The following ROBO1 variants were observed in gnomAD, a reference collection of about 807,000 sequenced individuals.
ROBO1 encodes roundabout guidance receptor 1, also known as roundabout homolog 1.
Under a neutral mutation model 195.9 loss-of-function variants are expected in ROBO1, and 149 were observed. That is an observed-to-expected ratio of 0.76 (90% CI 0.67 to 0.87). The LOEUF (loss-of-function observed/expected upper bound fraction) is 0.87, where lower values mean the gene tolerates loss of function less well. ROBO1 is among the 40% of genes least tolerant of loss of function. ROBO1 has a pLI of 0.00. For missense variants in ROBO1, 1,933 were observed against 2,068.3 expected, an observed-to-expected ratio of 0.93 and a Z score of 1.27; for synonymous variants, 816 against 733.2, an observed-to-expected ratio of 1.11 and a Z score of -1.82.
intron 1 of ROBO1, among the ~76,000 whole-genome samples, chr3:79,687,046 C>T (rs1947138351): frequency 6.6e-6 from 1 of 152,046 alleles, no homozygotes; most frequent in South Asian, 2.1e-4. Flanking sequence ...AGAACAGAGC[C>T]CTCAGAAATA....
chr3:79,290,320 C>T (rs1337451193), intron 2 of ROBO1, among the ~76,000 whole-genome samples: 3 of 152,094 alleles, frequency 2.0e-5, no homozygotes, highest in Non-Finnish European at 2.9e-5. Flanking sequence ...GAGTGAGCTA[C>T]TGTGCCTGGC....
chr3:78,623,763 A>C (rs1704592855), intron 26 of ROBO1, among the ~76,000 whole-genome samples: 1 of 152,176 alleles, frequency 6.6e-6, no homozygotes, highest in African/African-American at 2.4e-5. Flanking sequence ...AGATATGTGT[A>C]TCACTCAGAA....
intron 2 of ROBO1, among the ~76,000 whole-genome samples, chr3:79,207,634 A>G (rs1053791541): frequency 1.3e-5 from 2 of 152,002 alleles, no homozygotes; most frequent in African/African-American, 2.4e-5. Context: ...CTATCCCTCT[A>G]TTTTTTTGTT....
intron 4 of ROBO1, among the ~76,000 whole-genome samples, chr3:78,770,476 TG>T (rs753874954): frequency 6.6e-6 from 1 of 152,212 alleles, no homozygotes; most frequent in African/African-American, 2.4e-5. Context: ...TAAGACTATT[TG>T]CTTTTTGCTT....
At chr3:78,611,569 G>A (rs1703814670) in intron 28 of ROBO1, among the ~76,000 whole-genome samples, 1 of 152,144 alleles carries the variant, frequency 6.6e-6, no homozygotes, top group Non-Finnish European at 1.5e-5. Flanking sequence ...CCTTTGCATC[G>A]AGTTCTCCCT....
chr3:79,715,260 G>A (rs1431167251), intron 1 of ROBO1, among the ~76,000 whole-genome samples: 1 of 152,112 alleles, frequency 6.6e-6, no homozygotes, highest in Non-Finnish European at 1.5e-5. Flanking sequence ...GCATTCTACT[G>A]TGTGTAAAAT....
chr3:79,391,053 G>T (rs2036930798), intron 2 of ROBO1, among the ~76,000 whole-genome samples: 1 of 151,464 alleles, frequency 6.6e-6, no homozygotes, highest in Non-Finnish European at 1.5e-5. Flanking sequence ...CCAGCACTTT[G>T]GGAAGCCGAG....
At chr3:79,665,226 T>C (rs1946441989) in intron 1 of ROBO1, among the ~76,000 whole-genome samples, 1 of 151,964 alleles carries the variant, frequency 6.6e-6, no homozygotes, top group Admixed American at 6.6e-5. Context: ...TGTGTATTTA[T>C]AAAATCAAGA....
intron 2 of ROBO1, among the ~76,000 whole-genome samples, chr3:79,185,304 T>A (rs1389303054): frequency 6.6e-6 from 1 of 152,138 alleles, no homozygotes; most frequent in Non-Finnish European, 1.5e-5. Context: ...ACATTTCCTT[T>A]TATAAGGAGA....
At chr3:79,504,729 A>G (rs1317692211) in intron 2 of ROBO1, among the ~76,000 whole-genome samples, 4 of 152,124 alleles carry the variant, frequency 2.6e-5, no homozygotes, top group African/African-American at 7.2e-5. Flanking sequence ...TATCTCCCCA[A>G]TTTGTTTGAT....
intron 2 of ROBO1, among the ~76,000 whole-genome samples, chr3:79,470,056 G>A (rs1938183522): frequency 6.6e-6 from 1 of 152,054 alleles, no homozygotes; most frequent in South Asian, 2.1e-4. Context: ...TACACAACGT[G>A]CAGGTTTGTT....
chr3:79,115,608 A>G (rs541761143), intron 3 of ROBO1, among the ~76,000 whole-genome samples: 68 of 152,282 alleles, frequency 4.5e-4, no homozygotes, highest in Non-Finnish European at 7.6e-4. Context: ...AATACTGCCT[A>G]TAGCCCAGTC....
intron 2 of ROBO1, among the ~76,000 whole-genome samples, chr3:79,570,743 C>T (rs533212128): frequency 7.7e-4 from 117 of 152,158 alleles, no homozygotes; most frequent in African/African-American, 2.5e-3. Context: ...ATACACTTTT[C>T]AGTATTAACT....
intron 4 of ROBO1, among the ~76,000 whole-genome samples, chr3:78,893,377 G>C (rs1244815171): frequency 6.6e-6 from 1 of 152,106 alleles, no homozygotes; most frequent in Non-Finnish European, 1.5e-5. Context: ...TCTGGAAGAT[G>C]CAACAATAAG....
chr3:78,757,777 C>A (rs1334645439), intron 4 of ROBO1, among the ~76,000 whole-genome samples: 1 of 152,164 alleles, frequency 6.6e-6, no homozygotes, highest in South Asian at 2.1e-4. Context: ...ATAGAAAAAA[C>A]CAAGTCTAAA....
chr3:79,144,320 C>T (rs1408424636), intron 2 of ROBO1, among the ~76,000 whole-genome samples: 1 of 151,916 alleles, frequency 6.6e-6, no homozygotes, highest in Admixed American at 6.6e-5. Context: ...CACATATATT[C>T]ACATGAAAGA....
At chr3:79,092,716 T>C (rs2108492391) in intron 3 of ROBO1, among the ~76,000 whole-genome samples, 1 of 152,198 alleles carries the variant, frequency 6.6e-6, no homozygotes, top group African/African-American at 2.4e-5. Flanking sequence ...TGAAAAGATA[T>C]GCAGGAAGTC....
intron 18 of ROBO1, among the ~76,000 whole-genome samples, chr3:78,654,874 A>ATATAT (rs1347879445): frequency 1.3e-5 from 2 of 152,230 alleles, no homozygotes; most frequent in African/African-American, 4.8e-5. Context: ...AACAACAACA[A>ATATAT]TATATAGAGT....
chr3:79,661,017 G>A (rs1560078179), intron 1 of ROBO1, among the ~76,000 whole-genome samples: 1 of 152,004 alleles, frequency 6.6e-6, no homozygotes, highest in Non-Finnish European at 1.5e-5. Flanking sequence ...ATCCTAAAGG[G>A]CCTGATCCAA....
Sources: gnomAD v4.1 joint callset for allele counts (sites outside exome capture counted in the v4.1 genomes callset) on GRCh38, gnomAD v4.1.1 for gene constraint, MANE v1.5 for transcripts, NCBI Gene and HGNC (gene_info 2026-07-23, HGNC 2026-07-21) for gene names.